Variants in WDR41 observed in about 807,000 individuals in gnomAD.
WDR41 encodes the protein WD repeat-containing protein 41.
WDR41 carries 63 observed loss-of-function variants against 69.3 expected under a neutral mutation model. The ratio of observed to expected loss-of-function variants is 0.91; its 90% confidence interval spans 0.74 to 1.12. The LOEUF is 1.12. Among genes scored for constraint, WDR41 ranks in the 50% most tolerant of loss-of-function variants. WDR41 has a pLI of 0.00. For synonymous variants in WDR41, 185 were observed against 192.1 expected (o/e 0.96, Z 0.31); for missense variants, 543 against 534.5 (o/e 1.02, Z -0.16).
intron 1 of WDR41, among the ~76,000 whole-genome samples, chr5:77,501,566 T>C (rs920798426): frequency 6.6e-6 from 1 of 152,220 alleles, no homozygotes; most frequent in African/African-American, 2.4e-5. Flanking sequence ...ACAGACAGAC[T>C]GTCTCCTCAA....
intron 2 of WDR41, among the ~76,000 whole-genome samples, chr5:77,475,032 T>C (rs1424198079): frequency 6.6e-6 from 1 of 152,196 alleles, no homozygotes; most frequent in Non-Finnish European, 1.5e-5. Flanking sequence ...GAGTTCCCTT[T>C]CCTAGTCAAA....
chr5:77,545,614 T>C, intron 1 of WDR41: 3 of 366,052 alleles, frequency 8.2e-6, no homozygotes. Flanking sequence ...CCTGGAGATC[T>C]ATCTCTTCTC....
chr5:77,537,937 T>G (rs1245605139), intron 1 of WDR41, among the ~76,000 whole-genome samples: 1 of 152,060 alleles, frequency 6.6e-6, no homozygotes, highest in Non-Finnish European at 1.5e-5. Flanking sequence ...AATGTATGGG[T>G]ATTTTGGGGG....
intron 2 of WDR41, among the ~76,000 whole-genome samples, chr5:77,471,380 A>C (rs183207575): frequency 0.018 from 2,798 of 152,284 alleles, 61 homozygotes; most frequent in African/African-American, 0.055. Flanking sequence ...GAAAAGCAAG[A>C]GCAAACACAT....
At chr5:77,459,753 G>A (rs551297517) in intron 4 of WDR41, among the ~76,000 whole-genome samples, 14 of 152,182 alleles carry the variant, frequency 9.2e-5, no homozygotes, top group African/African-American at 2.9e-4. Context: ...TATGTACTAC[G>A]TATACAAATG....
intron 1 of WDR41, among the ~76,000 whole-genome samples, chr5:77,581,569 G>A (rs1743940651): frequency 6.6e-6 from 1 of 152,208 alleles, no homozygotes; most frequent in Non-Finnish European, 1.5e-5. Flanking sequence ...TCAAGTGGAT[G>A]TGGAGGATTC....
intron 1 of WDR41, among the ~76,000 whole-genome samples, chr5:77,521,796 C>A (rs1320536911): frequency 6.6e-6 from 1 of 152,178 alleles, no homozygotes; most frequent in African/African-American, 2.4e-5. Flanking sequence ...ATGCTGCCCC[C>A]AGAAGGGTAT....
chr5:77,560,257 A>G (rs567198126), intron 1 of WDR41, among the ~76,000 whole-genome samples: 1 of 152,318 alleles, frequency 6.6e-6, no homozygotes, highest in African/African-American at 2.4e-5. Flanking sequence ...GCACTAGCCC[A>G]TCAGATGTTA....
chr5:77,580,710 C>T (rs1326132510), intron 1 of WDR41, among the ~76,000 whole-genome samples: 1 of 152,042 alleles, frequency 6.6e-6, no homozygotes, highest in African/African-American at 2.4e-5. Flanking sequence ...AATCACAGCA[C>T]TTTGGGAGGC....
chr5:77,489,617 AAG>A, intron 1 of WDR41, 45 bp from the exon 2 acceptor site: 1 of 1,238,622 alleles, frequency 8.1e-7, no homozygotes, highest in Non-Finnish European at 1.2e-6. Flanking sequence ...AAGACAAAAA[AAG>A]AGATAAAATG....
intron 1 of WDR41, among the ~76,000 whole-genome samples, chr5:77,596,994 C>G (rs1744239999): frequency 6.6e-6 from 1 of 151,816 alleles, no homozygotes; most frequent in Non-Finnish European, 1.5e-5. Context: ...TAGTAGTGCA[C>G]ACCTGTAGTC....
At chr5:77,508,072 C>T (rs1310448311) in intron 1 of WDR41, among the ~76,000 whole-genome samples, 1 of 152,082 alleles carries the variant, frequency 6.6e-6, no homozygotes, top group Non-Finnish European at 1.5e-5. Flanking sequence ...CACTTTTTGA[C>T]TTCAAATTTC....
intron 1 of WDR41, 28 bp downstream of exon 1, chr5:77,492,142 A>T: frequency 6.2e-7 from 1 of 1,606,888 alleles, no homozygotes; most frequent in East Asian, 2.3e-5. Context: ...AGCTCGACGG[A>T]CGCAGAGCAG....
chr5:77,519,272 AAATT>A (rs1561213226), intron 1 of WDR41, among the ~76,000 whole-genome samples: 1 of 152,022 alleles, frequency 6.6e-6, no homozygotes, highest in African/African-American at 2.4e-5. Context: ...AACCTCCTAT[AAATT>A]ATTTTCAAAG....
chr5:77,578,860 A>G (rs1743882001), intron 1 of WDR41, among the ~76,000 whole-genome samples: 1 of 111,850 alleles, frequency 8.9e-6, no homozygotes, highest in Non-Finnish European at 1.7e-5. Context: ...GCAAAACTCC[A>G]TCTCAAAAAA....
At chr5:77,618,758 G>A (rs926242974) in intron 1 of WDR41, among the ~76,000 whole-genome samples, 8 of 152,296 alleles carry the variant, frequency 5.3e-5, no homozygotes, top group African/African-American at 1.7e-4. Context: ...AAAGAAGGGG[G>A]ACCAGAAAAG....
chr5:77,493,303 C>G (rs1484724975), upstream of WDR41, among the ~76,000 whole-genome samples: 2 of 152,120 alleles, frequency 1.3e-5, no homozygotes, highest in Admixed American at 6.5e-5. Flanking sequence ...TCAAATAATC[C>G]TCCTAGCAGT....
chr5:77,560,743 T>C (rs1216689782), intron 1 of WDR41, among the ~76,000 whole-genome samples: 1 of 152,190 alleles, frequency 6.6e-6, no homozygotes, highest in Non-Finnish European at 1.5e-5. Flanking sequence ...TGCATCAGCT[T>C]AATGAAAGCA....
chr5:77,437,532 CTT>C, intron 10 of WDR41, 108 bp from the exon 11 acceptor site: 1 of 963,158 alleles, frequency 1.0e-6, no homozygotes, highest in Non-Finnish European at 1.7e-6. Flanking sequence ...TTATTCAGCT[CTT>C]AGCAGGAACT....
Sources: gnomAD v4.1 joint callset for allele counts (sites outside exome capture counted in the v4.1 genomes callset) on GRCh38, gnomAD v4.1.1 for gene constraint, MANE v1.5 for transcripts, NCBI Gene and HGNC (gene_info 2026-07-23, HGNC 2026-07-21) for gene names.